SHISA9: variants seen among roughly 807,000 people sequenced by gnomAD.
SHISA9 encodes the protein protein shisa-9.
In SHISA9, 13 loss-of-function variants were observed where a neutral mutation model predicts 38.0. The ratio of observed to expected loss-of-function variants is 0.34; its 90% CI spans 0.22 to 0.54. The LOEUF (loss-of-function observed/expected upper bound fraction) is 0.54. Ranked by LOEUF, SHISA9 falls within the 20% of genes least tolerant of loss-of-function variation. The probability of loss-of-function intolerance (pLI) is 0.91; values close to 1 mark genes in which losing one functional copy is unlikely to be tolerated. For synonymous variants in SHISA9, 275 were observed against 242.0 expected, an observed-to-expected ratio of 1.14 and a Z score of -1.27; for missense variants, 538 against 575.8, an observed-to-expected ratio of 0.93 and a Z score of 0.67.
chr16:13,118,534 T>C (rs2074053264), intron 2 of SHISA9, among the ~76,000 whole-genome samples: 1 of 152,046 alleles, frequency 6.6e-6, no homozygotes, highest in South Asian at 2.1e-4. Context: ...GTGAGGTGCA[T>C]GTGGATCACC....
At chr16:13,472,978 A>G in the SHISA9 span, among the ~76,000 whole-genome samples, 1 of 152,108 alleles carries the variant, frequency 6.6e-6, no homozygotes, top group African/African-American at 2.4e-5. Flanking sequence ...ATCAGTTTTG[A>G]TTATTTAATT....
At chr16:13,049,525 C>T (rs2073226741) in intron 2 of SHISA9, among the ~76,000 whole-genome samples, 1 of 152,128 alleles carries the variant, frequency 6.6e-6, no homozygotes, top group Non-Finnish European at 1.5e-5. Context: ...TGGTTATTTC[C>T]CCCACTGAAT....
intron 2 of SHISA9, among the ~76,000 whole-genome samples, chr16:13,174,008 G>C (rs2050710827): frequency 6.6e-6 from 1 of 152,092 alleles, no homozygotes; most frequent in African/African-American, 2.4e-5. Context: ...TCTGGGACGT[G>C]CTGGGGCCTT....
At chr16:13,165,824 A>G (rs1234765750) in intron 2 of SHISA9, among the ~76,000 whole-genome samples, 1 of 152,228 alleles carries the variant, frequency 6.6e-6, no homozygotes, top group Non-Finnish European at 1.5e-5. Context: ...GCACTTAAAA[A>G]TGTTAATGGA....
At chr16:13,367,712 G>GCGCACACA in the SHISA9 span, among the ~76,000 whole-genome samples, 5,302 of 104,518 alleles carry the variant, frequency 0.051, 171 homozygotes, top group East Asian at 0.12. Context: ...GCGCGCGCGC[G>GCGCACACA]CACACACACA....
At chr16:13,482,572 G>T in the SHISA9 span, among the ~76,000 whole-genome samples, 1 of 152,180 alleles carries the variant, frequency 6.6e-6, no homozygotes, top group Non-Finnish European at 1.5e-5. Context: ...GGCTGAGGCA[G>T]GAGGATCACT....
the SHISA9 span, among the ~76,000 whole-genome samples, chr16:13,448,924 A>G: frequency 6.6e-6 from 1 of 152,198 alleles, no homozygotes; most frequent in Admixed American, 6.5e-5. Flanking sequence ...CAAGCATTTG[A>G]AGAATATGTA....
chr16:13,087,075 G>A (rs1295168202), intron 2 of SHISA9, among the ~76,000 whole-genome samples: 4 of 137,648 alleles, frequency 2.9e-5, no homozygotes. Context: ...TTGGTTTTCT[G>A]TCCTTGTGAT....
At chr16:12,953,840 C>T (rs1036767020) in intron 2 of SHISA9, among the ~76,000 whole-genome samples, 8 of 152,132 alleles carry the variant, frequency 5.3e-5, no homozygotes, top group African/African-American at 1.9e-4. Context: ...AAAGGGGAAA[C>T]AAGCAGCTTC....
At chr16:12,921,386 A>G (rs950526142) in intron 2 of SHISA9, among the ~76,000 whole-genome samples, 1 of 152,210 alleles carries the variant, frequency 6.6e-6, no homozygotes, top group African/African-American at 2.4e-5. Flanking sequence ...TATAGCTCAT[A>G]TCTAGGACCA....
intron 2 of SHISA9, among the ~76,000 whole-genome samples, chr16:13,019,952 TTTCTTTCCCTCC>T (rs2072827725): frequency 1.7e-5 from 1 of 59,210 alleles, no homozygotes; most frequent in African/African-American, 5.7e-5. Context: ...TCTTTCTTTC[TTTCTTTCCCTCC>T]TTCTTTCCTT....
the SHISA9 span, among the ~76,000 whole-genome samples, chr16:13,274,894 A>T: frequency 1.3e-4 from 20 of 152,160 alleles, no homozygotes. Flanking sequence ...TCCTTTCGTC[A>T]AGCACAAATT....
At chr16:13,089,048 C>T (rs1443498995) in intron 2 of SHISA9, among the ~76,000 whole-genome samples, 1 of 152,172 alleles carries the variant, frequency 6.6e-6, no homozygotes, top group African/African-American at 2.4e-5. Flanking sequence ...AAGGCCTTTT[C>T]TGCATTTGTT....
intron 2 of SHISA9, among the ~76,000 whole-genome samples, chr16:13,026,729 T>C (rs963879716): frequency 2.0e-5 from 3 of 152,232 alleles, no homozygotes; most frequent in Non-Finnish European, 4.4e-5. Flanking sequence ...TTCCTACCTG[T>C]AAATGTGAGT....
At chr16:13,216,333 G>A (rs201558973) in intron 4 of SHISA9, among the ~76,000 whole-genome samples, 2 of 152,212 alleles carry the variant, frequency 1.3e-5, no homozygotes, top group East Asian at 3.9e-4. Context: ...CTGCAAAATG[G>A]AGACCATCAT....
the SHISA9 span, among the ~76,000 whole-genome samples, chr16:13,249,996 G>C: frequency 1.3e-5 from 2 of 152,158 alleles, no homozygotes; most frequent in African/African-American, 4.8e-5. Flanking sequence ...GGTCTGCTGA[G>C]TAGCTGGGAC....
intron 2 of SHISA9, among the ~76,000 whole-genome samples, chr16:13,109,751 G>T (rs980909755): frequency 6.6e-6 from 1 of 152,116 alleles, no homozygotes; most frequent in African/African-American, 2.4e-5. Context: ...CATTACATGT[G>T]AATGGAATTA....
intron 4 of SHISA9, among the ~76,000 whole-genome samples, chr16:13,231,371 A>G (rs1428120935): frequency 1.3e-5 from 2 of 152,222 alleles, no homozygotes; most frequent in Admixed American, 1.3e-4. Context: ...GGAAACTTTG[A>G]GTATTCTTCT....
intron 2 of SHISA9, among the ~76,000 whole-genome samples, chr16:13,186,320 T>C (rs56146516): frequency 0.16 from 20,901 of 132,122 alleles, 1,833 homozygotes; most frequent in Middle Eastern, 0.26. Context: ...TTTTTTGAGA[T>C]GGAGTCTTGC....
Sources: gnomAD v4.1 joint callset for allele counts (sites outside exome capture counted in the v4.1 genomes callset) on GRCh38, gnomAD v4.1.1 for gene constraint, MANE v1.5 for transcripts, NCBI Gene and HGNC (gene_info 2026-07-23, HGNC 2026-07-21) for gene names.